The following GPC3 variants were observed in gnomAD, a reference collection of about 807,000 sequenced individuals.
GPC3 encodes the protein glypican 3, also known as glypican-3.
GPC3 carries 3 observed loss-of-function variants against 34.4 expected under a neutral mutation model. The ratio of observed to expected loss-of-function variants is 0.09; its 90% CI spans 0.04 to 0.23. GPC3 has a LOEUF of 0.23. Ranked by LOEUF, GPC3 falls within the 10% of genes least tolerant of loss-of-function variation. The pLI, the probability that GPC3 is intolerant of heterozygous loss-of-function variation, is 1.00. For missense variants in GPC3, 351 were observed against 445.6 expected, an observed-to-expected ratio of 0.79 and a Z score of 1.91; for synonymous variants, 177 against 174.0, an observed-to-expected ratio of 1.02 and a Z score of -0.13.
chrX:133,868,365 A>G (rs1273173622), intron 2 of GPC3, among the ~76,000 whole-genome samples: 1 of 112,012 alleles, frequency 8.9e-6, no homozygotes, highest in Non-Finnish European at 1.9e-5. Flanking sequence ...CTTCCATTTC[A>G]TCAGCAGAGC....
intron 2 of GPC3, among the ~76,000 whole-genome samples, chrX:133,829,906 G>C (rs2075767115): frequency 9.0e-6 from 1 of 111,502 alleles, no homozygotes; most frequent in East Asian, 2.8e-4. Context: ...AATTCATACA[G>C]ACTTTACATA....
intron 2 of GPC3, among the ~76,000 whole-genome samples, chrX:133,854,270 G>A (rs2075889743): frequency 8.9e-6 from 1 of 111,935 alleles, no homozygotes; most frequent in Admixed American, 9.5e-5. Flanking sequence ...ATAGGTTGAA[G>A]CCTGAGCAAT....
chrX:133,763,078 G>A (rs899659954), intron 2 of GPC3: 54 of 641,713 alleles, frequency 8.4e-5, no homozygotes, highest in Non-Finnish European at 1.3e-4. Context: ...TGCTGCCATG[G>A]GAGCCACTCC....
At chrX:133,915,536 T>C (rs1414547130) in intron 2 of GPC3, among the ~76,000 whole-genome samples, 1 of 111,925 alleles carries the variant, frequency 8.9e-6, no homozygotes, top group Non-Finnish European at 1.9e-5. Flanking sequence ...CAATGAAAAT[T>C]CAAGAGAAAA....
chrX:133,927,653 T>C (rs1390981493), intron 2 of GPC3, among the ~76,000 whole-genome samples: 3 of 108,853 alleles, frequency 2.8e-5, no homozygotes, highest in Non-Finnish European at 5.7e-5. Context: ...AATTTTTGTA[T>C]TTTTTGTAGA....
chrX:133,961,961 A>G (rs1413457431), intron 1 of GPC3, among the ~76,000 whole-genome samples: 1 of 111,930 alleles, frequency 8.9e-6, no homozygotes, highest in Non-Finnish European at 1.9e-5. Flanking sequence ...TGATTATGTC[A>G]TTCTACTTCT....
intron 2 of GPC3, among the ~76,000 whole-genome samples, chrX:133,930,783 G>A (rs968758939): frequency 5.4e-5 from 6 of 111,471 alleles, no homozygotes; most frequent in African/African-American, 1.6e-4. Context: ...CTACAGGCGC[G>A]TGTCACCACG....
Position 133,663,045 on chromosome X carries a change from G to T in GPC3, c.1293-1195C>A, listed in dbSNP as rs184523893. On this transcript the variant is annotated intron_variant, in intron 5 of 7. Coordinates refer to ENST00000370818, the MANE Select transcript of GPC3 (RefSeq NM_004484.4). ...TCTGTCTTTCCAAGAGTGGACCATG[G>T]TCAACAGTTTGATATACATGTAGAG... Among the ~76,000 whole-genome samples the T allele has an allele frequency of 2.8e-3, 310 of 111,245 alleles. 1 individual carries two copies. The highest frequency in any genetic ancestry group is 0.019 in the Middle Eastern group (4 of 214).
intron 2 of GPC3, among the ~76,000 whole-genome samples, chrX:133,842,731 G>GTTA (rs1168267206): frequency 2.7e-5 from 3 of 110,549 alleles, no homozygotes; most frequent in Non-Finnish European, 5.7e-5. Context: ...TATTGTTGTT[G>GTTA]TTATTATTAT....
In GPC3 at chrX:133,854,488, T is replaced by C. The variant is rs185919899; in HGVS notation, c.337+98562A>G. On this transcript the variant is annotated intron_variant, in intron 2 of 7. Coordinates refer to ENST00000370818, the MANE Select transcript of GPC3 (RefSeq NM_004484.4). Reference sequence around the variant, plus strand: ...GATATGGGCCTGGTTGTCAAGGAGCTTATGATTTATTTAGCGGCTGTGGCA... The same window carrying C: ...GATATGGGCCTGGTTGTCAAGGAGCCTATGATTTATTTAGCGGCTGTGGCA... Among the ~76,000 whole-genome samples, 53 of 112,083 alleles carry C rather than the reference T, an allele frequency of 4.7e-4. 1 individual carries two copies. In the Admixed American group the frequency reaches 4.7e-3, roughly 10 times the overall value.
intron 2 of GPC3, among the ~76,000 whole-genome samples, chrX:133,797,725 G>C (rs768796225): frequency 6.3e-5 from 7 of 110,509 alleles, no homozygotes; most frequent in Non-Finnish European, 9.4e-5. Context: ...AGCTGCTTGG[G>C]AGGCTGAGGC....
intron 2 of GPC3, among the ~76,000 whole-genome samples, chrX:133,903,213 C>A (rs1239427533): frequency 9.0e-6 from 1 of 111,449 alleles, no homozygotes; most frequent in Admixed American, 9.6e-5. Flanking sequence ...TAACCATTCC[C>A]CTATGTTCAG....
Position 133,536,009 on chromosome X carries a change from G to T in GPC3, c.*115C>A. On this transcript the variant is annotated 3_prime_UTR_variant, in exon 8 of 8. Transcript: ENST00000370818. ...GTTAGTCCTCTACTTCATGGCTGGA[G>T]GAGGTATACAGGATAACAAAAAAAA... is the stretch of plus-strand genomic sequence containing the variant. The T allele has an allele frequency of 1.9e-6, 1 of 528,141 alleles. No individual in the cohort carries two copies. 43.5% of individuals were successfully genotyped at this position (528,141 alleles called of 1,213,427 possible).
At chrX:133,634,186 A>G (rs910713931) in intron 6 of GPC3, among the ~76,000 whole-genome samples, 1 of 111,963 alleles carries the variant, frequency 8.9e-6, no homozygotes, top group East Asian at 2.8e-4. Context: ...CCATATGTAG[A>G]ATAGGATATG....
At chrX:133,758,076 C>T (rs1235316955) in intron 2 of GPC3, among the ~76,000 whole-genome samples, 1 of 111,652 alleles carries the variant, frequency 9.0e-6, no homozygotes, top group Non-Finnish European at 1.9e-5. Flanking sequence ...TGTGGAGAAA[C>T]AGGAAGGCAT....
chrX:133,927,827 T>G (rs2076282229), intron 2 of GPC3, among the ~76,000 whole-genome samples: 1 of 108,134 alleles, frequency 9.2e-6, no homozygotes, highest in Admixed American at 1.0e-4. Context: ...AATTTTACAG[T>G]GTATATTTAA....
chrX:133,591,805 T>A (rs753367854), intron 7 of GPC3, among the ~76,000 whole-genome samples: 1 of 111,706 alleles, frequency 9.0e-6, no homozygotes, highest in Admixed American at 9.5e-5. Context: ...AAGTGGCTTA[T>A]AGTCAGGAAA....
intron 6 of GPC3, among the ~76,000 whole-genome samples, chrX:133,648,530 C>T (rs747874224): frequency 1.8e-5 from 2 of 111,885 alleles, no homozygotes; most frequent in Non-Finnish European, 3.8e-5. Flanking sequence ...ATCCTTCACG[C>T]TGCTGGCAGA....
chrX:133,684,820 T>C (rs1160199268), intron 5 of GPC3, among the ~76,000 whole-genome samples: 3 of 110,954 alleles, frequency 2.7e-5, no homozygotes, highest in African/African-American at 9.8e-5. Flanking sequence ...CTGACATGAC[T>C]AGAATGAGAT....
Sources: gnomAD v4.1 joint callset for allele counts (sites outside exome capture counted in the v4.1 genomes callset) on GRCh38, gnomAD v4.1.1 for gene constraint, MANE v1.5 for transcripts, NCBI Gene and HGNC (gene_info 2026-07-23, HGNC 2026-07-21) for gene names.